MED23: variants seen among roughly 807,000 people sequenced by gnomAD.
The protein encoded by MED23 is mediator complex subunit 23, also known as mediator of RNA polymerase II transcription subunit 23.
A neutral mutation model predicts 163.9 loss-of-function variants in MED23; 105 were observed. The observed-to-expected ratio is 0.64, with a 90% CI of 0.55 to 0.75. The LOEUF is 0.75. Ranked by LOEUF, MED23 falls within the 30% of genes least tolerant of loss-of-function variation. The pLI, the probability that MED23 is intolerant of heterozygous loss-of-function variation, is 0.00. For synonymous variants in MED23, 561 were observed against 565.6 expected, an observed-to-expected ratio of 0.99 and a Z score of 0.12; for missense variants, 1,054 against 1,649.0, an observed-to-expected ratio of 0.64 and a Z score of 6.25.
At chr6:131,583,619 A>G, downstream of MED23, 1 of 1,515,888 alleles carries the variant, frequency 6.6e-7, no homozygotes, top group Non-Finnish European at 9.1e-7. Context: ...TGATGCAATA[A>G]CTAAAGTGTT....
intron 11 of MED23, among the ~76,000 whole-genome samples, chr6:131,609,382 T>C (rs1425908223): frequency 6.6e-6 from 1 of 152,116 alleles, no homozygotes; most frequent in Non-Finnish European, 1.5e-5. Context: ...CCTTTCTAAA[T>C]GATGGTTTTA....
At chr6:131,586,115 G>T (rs1201921955), downstream of MED23, among the ~76,000 whole-genome samples, 1 of 152,216 alleles carries the variant, frequency 6.6e-6, no homozygotes, top group South Asian at 2.1e-4. Context: ...GTCTGCAGGG[G>T]CCGGGCACAG....
Position 131,615,981 on chromosome 6 carries a change from C to G in MED23, c.802G>C (p.Ala268Pro). 1 of 1,613,498 alleles carries G rather than the reference C, an allele frequency of 6.2e-7. No homozygotes were observed. Among genetic ancestry groups the G allele is most frequent in the South Asian group, 1.1e-5 (1 of 91,064 alleles). ...YDKDLFEPQT[A>P]LLRYVLEQPY... The stretch of plus-strand genomic sequence containing the variant: ...TGCTCCAATACATATCTCAACAAAG[C>G]AGTCTGTGGTTCAAACAGATCCTTT... Residue 268 changes from alanine (A) to proline (P), a missense_variant, in exon 10 of 29, where the codon GCT (alanine) becomes CCT (proline). By Grantham distance (27) the Ala-to-Pro change is conservative (BLOSUM62 -1). Coordinates refer to ENST00000368068, the MANE Select transcript of MED23 (RefSeq NM_004830.4).
intron 22 of MED23, among the ~76,000 whole-genome samples, chr6:131,594,696 T>C (rs1774909334): frequency 6.6e-6 from 1 of 152,186 alleles, no homozygotes. Context: ...AACAGGGGAC[T>C]GATAAAGTAA....
chr6:131,591,800 A>T (rs1774658361), intron 25 of MED23: 1 of 450,968 alleles, frequency 2.2e-6, no homozygotes, highest in African/African-American at 2.0e-5. Flanking sequence ...TCAAACAATA[A>T]ATCTATAGCT....
Position 131,604,224 on chromosome 6 carries a change from T to C in MED23, c.1710A>G (p.Leu570=). ...APALVETYSR[L]LVYMEIESLG... ...AAGACTCTATTTCCATATAGACCAATAAACGACTGTAAGTTTCCACTAGGG... is the reference window on the plus strand; with the variant it reads ...AAGACTCTATTTCCATATAGACCAACAAACGACTGTAAGTTTCCACTAGGG... The change falls in exon 15 of 29, where the codon TTA becomes TTG. Residue 570 remains leucine, a synonymous_variant. Transcript: ENST00000368068. The C allele has an allele frequency of 6.4e-7, 1 of 1,550,520 alleles. No individual in the cohort carries two copies. The highest frequency in any genetic ancestry group is 8.9e-7 in the Non-Finnish European group (1 of 1,129,900).
At position 131,602,216 on chromosome 6, in the gene MED23, A is replaced by C; in HGVS notation, c.2095+2T>G. ...TTGTTTGTAGTCACATATTCACCGTACCTGTTACATGAGTTGCTCTAGCCA... is the reference window on the plus strand; with the variant it reads ...TTGTTTGTAGTCACATATTCACCGTCCCTGTTACATGAGTTGCTCTAGCCA... On this transcript the variant is annotated splice_donor_variant, in intron 17 of 28. Coordinates refer to ENST00000368068, the MANE Select transcript of MED23 (RefSeq NM_004830.4). LOFTEE classifies it high-confidence loss of function. The C allele has an allele frequency of 1.2e-6, 2 of 1,613,690 alleles. No individual in the cohort carries two copies. The highest frequency in any genetic ancestry group is 1.7e-6 in the Non-Finnish European group (2 of 1,179,640).
chr6:131,620,630 A>G lies in MED23; in HGVS notation c.595T>C (p.Trp199Arg). The G allele has an allele frequency of 6.2e-7, 1 of 1,603,016 alleles. No homozygotes were observed. The highest frequency in any genetic ancestry group is 8.5e-7 in the Non-Finnish European group (1 of 1,170,534). Residue 199 changes from tryptophan to arginine, a missense_variant and splice_region_variant, in exon 7 of 29, where the codon TGG becomes CGG. By Grantham distance (101) the Trp-to-Arg change is moderately radical (BLOSUM62 -3). Coordinates refer to ENST00000368068, the MANE Select transcript of MED23 (RefSeq NM_004830.4). ...AATTCAGGAAATATAAAATTTACCC[A>G]GTGTGGAAGTTTGCCTTCAGGATAC... Reference protein sequence around the residue: ...KLYPEGKLPHWLLGNLVSDFV... With the variant: ...KLYPEGKLPHRLLGNLVSDFV...
chr6:131,619,218 T>C (rs1390991438), intron 8 of MED23, among the ~76,000 whole-genome samples: 1 of 152,194 alleles, frequency 6.6e-6, no homozygotes, highest in Non-Finnish European at 1.5e-5. Context: ...TGTATTTGTA[T>C]TTTCAGTATC....
chr6:131,575,366 T>C (rs1426459402), intron 30 of MED23, among the ~76,000 whole-genome samples: 1 of 151,886 alleles, frequency 6.6e-6, no homozygotes, highest in Non-Finnish European at 1.5e-5. Context: ...GACACAAAAC[T>C]AAAGGCAAAA....
chr6:131,620,929 AG>A (rs1315285436), intron 6 of MED23, among the ~76,000 whole-genome samples, 200 bp from the exon 7 acceptor site: 3 of 151,884 alleles, frequency 2.0e-5, no homozygotes, highest in Non-Finnish European at 2.9e-5. Context: ...CAGCCTCCAG[AG>A]TAGCTGGGAC....
intron 17 of MED23, among the ~76,000 whole-genome samples, chr6:131,601,402 G>T (rs760159261): frequency 6.6e-6 from 1 of 152,122 alleles, no homozygotes; most frequent in Non-Finnish European, 1.5e-5. Flanking sequence ...AATTCATGAA[G>T]TTACAAAACA....
chr6:131,579,244 G>T, intron 30 of MED23: 1 of 1,614,114 alleles, frequency 6.2e-7, no homozygotes, highest in South Asian at 1.1e-5. Context: ...CAGAAGTCAA[G>T]AAGAACGGAA....
At chr6:131,582,993 C>T, downstream of MED23, 1 of 1,142,740 alleles carries the variant, frequency 8.8e-7, no homozygotes. Context: ...TTATATTTCC[C>T]TTAAAAGGAG....
intron 30 of MED23, chr6:131,581,191 T>C: frequency 6.2e-7 from 1 of 1,613,000 alleles, no homozygotes; most frequent in Non-Finnish European, 8.5e-7. Context: ...GCAAACCTGA[T>C]GTTCACACAA....
chr6:131,603,643 G>A (rs1335021814), intron 15 of MED23, among the ~76,000 whole-genome samples: 2 of 152,106 alleles, frequency 1.3e-5, no homozygotes, highest in Non-Finnish European at 2.9e-5. Flanking sequence ...TCTAAGAAGA[G>A]TTATTGTGGT....
chr6:131,578,320 A>C (rs1378141640), intron 30 of MED23, among the ~76,000 whole-genome samples: 4 of 152,152 alleles, frequency 2.6e-5, no homozygotes, highest in Non-Finnish European at 5.9e-5. Flanking sequence ...GGCGTTACTA[A>C]ATCAGATTCA....
intron 30 of MED23, among the ~76,000 whole-genome samples, chr6:131,576,171 T>C (rs1318347004): frequency 1.3e-5 from 2 of 152,214 alleles, no homozygotes; most frequent in Non-Finnish European, 2.9e-5. Context: ...GGGCATCCTG[T>C]TTTTGTTACT....
chr6:131,625,888 C>T lies in MED23; in HGVS notation c.160-899G>A, dbSNP rs181843689. Among the ~76,000 whole-genome samples the T allele has an allele frequency of 3.5e-3, 533 of 151,774 alleles. 4 individuals carry two copies. The highest frequency in any genetic ancestry group is 0.012 in the African/African-American group (495 of 41,396). On this transcript the variant is annotated intron_variant, in intron 3 of 28. Transcript: ENST00000368068. Reference sequence around the variant, plus strand: ...CTGTAATCCCAGCACTTTGGGAGGCCGAGGTGGGCAGATCATGAGGTCGGG... The same window carrying T: ...CTGTAATCCCAGCACTTTGGGAGGCTGAGGTGGGCAGATCATGAGGTCGGG...
Sources: gnomAD v4.1 joint callset for allele counts (sites outside exome capture counted in the v4.1 genomes callset) on GRCh38, gnomAD v4.1.1 for gene constraint, MANE v1.5 for transcripts, NCBI Gene and HGNC (gene_info 2026-07-23, HGNC 2026-07-21) for gene names.